LOC128462377: variants seen among roughly 807,000 people sequenced by gnomAD.
chr16:89,324,247 G>C, the LOC128462377 span: 1 of 1,214,912 alleles, frequency 8.2e-7, no homozygotes, highest in Non-Finnish European at 1.0e-6. Context: ...CACATGCTTG[G>C]TCACTGGGCT....
chr16:89,356,243 T>G, the LOC128462377 span, among the ~76,000 whole-genome samples: 1 of 152,058 alleles, frequency 6.6e-6, no homozygotes, highest in African/African-American at 2.4e-5. Flanking sequence ...AAAAACTGAT[T>G]ACAGACTTTC....
chr16:89,336,160 C>G, the LOC128462377 span, among the ~76,000 whole-genome samples: 1 of 152,246 alleles, frequency 6.6e-6, no homozygotes, highest in South Asian at 2.1e-4. Flanking sequence ...CCTCTGGCCA[C>G]TTGTCCAGGA....
chr16:89,392,073 T>C, the LOC128462377 span, among the ~76,000 whole-genome samples: 1 of 152,138 alleles, frequency 6.6e-6, no homozygotes, highest in Non-Finnish European at 1.5e-5. Context: ...TCTAAGTTGC[T>C]AGCCAATCGG....
chr16:89,413,777 G>C, the LOC128462377 span, among the ~76,000 whole-genome samples: 1 of 152,184 alleles, frequency 6.6e-6, no homozygotes, highest in Non-Finnish European at 1.5e-5. Flanking sequence ...AAGCTCCCCA[G>C]GGGTGAGGGT....
chr16:89,410,128 C>T, the LOC128462377 span, among the ~76,000 whole-genome samples: 989 of 152,258 alleles, frequency 6.5e-3, 17 homozygotes, highest in African/African-American at 0.023. Context: ...CGTGAGCCAC[C>T]GCGTCCAGCC....
At chr16:89,399,058 T>G in the LOC128462377 span, among the ~76,000 whole-genome samples, 2 of 152,192 alleles carry the variant, frequency 1.3e-5, no homozygotes, top group African/African-American at 2.4e-5. Flanking sequence ...GCATTTTCAG[T>G]GTTGCCTCAA....
At chr16:89,342,360 A>G in the LOC128462377 span, among the ~76,000 whole-genome samples, 1 of 152,242 alleles carries the variant, frequency 6.6e-6, no homozygotes, top group Admixed American at 6.5e-5. Context: ...GAGAGTCGGA[A>G]AACGTTGAAC....
chr16:89,355,563 C>T, the LOC128462377 span, among the ~76,000 whole-genome samples: 63 of 152,266 alleles, frequency 4.1e-4, 2 homozygotes, highest in African/African-American at 2.4e-4. Context: ...CCAGCAGGGA[C>T]GGCCCCAGAC....
At chr16:89,326,386 C>CA in the LOC128462377 span, among the ~76,000 whole-genome samples, 1 of 151,894 alleles carries the variant, frequency 6.6e-6, no homozygotes, top group Non-Finnish European at 1.5e-5. Context: ...CCGCCCCCCC[C>CA]ACCCCGCTGC....
the LOC128462377 span, among the ~76,000 whole-genome samples, chr16:89,391,439 C>T: frequency 6.6e-6 from 1 of 152,090 alleles, no homozygotes; most frequent in African/African-American, 2.4e-5. Flanking sequence ...TTGTGGGACA[C>T]CCAGCTGGTG....
chr16:89,366,245 T>C, the LOC128462377 span, among the ~76,000 whole-genome samples: 1 of 152,190 alleles, frequency 6.6e-6, no homozygotes, highest in Middle Eastern at 3.4e-3. Context: ...TAGATGCTCA[T>C]GTGGATTCCA....
At chr16:89,350,496 CCA>C in the LOC128462377 span, among the ~76,000 whole-genome samples, 1 of 152,198 alleles carries the variant, frequency 6.6e-6, no homozygotes, top group African/African-American at 2.4e-5. Flanking sequence ...CTGACATACA[CCA>C]CAGAACCCAG....
At chr16:89,403,460 G>A in the LOC128462377 span, among the ~76,000 whole-genome samples, 2 of 152,066 alleles carry the variant, frequency 1.3e-5, no homozygotes, top group Non-Finnish European at 2.9e-5. Context: ...CAGTAAGCGA[G>A]GCCCCGCGCT....
chr16:89,354,829 G>T, the LOC128462377 span, among the ~76,000 whole-genome samples: 5 of 151,942 alleles, frequency 3.3e-5, no homozygotes, highest in Non-Finnish European at 5.9e-5. Context: ...GGAGGTTGCA[G>T]TGAGCCGAGA....
the LOC128462377 span, among the ~76,000 whole-genome samples, chr16:89,371,587 G>A: frequency 5.9e-5 from 9 of 152,232 alleles, 1 homozygote; most frequent in African/African-American, 1.7e-4. Context: ...GGCAGGCGCC[G>A]CTCCCCACAT....
At chr16:89,337,884 C>T in the LOC128462377 span, among the ~76,000 whole-genome samples, 1 of 152,224 alleles carries the variant, frequency 6.6e-6, no homozygotes, top group Admixed American at 6.5e-5. Flanking sequence ...CTTCAGTCTA[C>T]TGTGTGTGGA....
the LOC128462377 span, among the ~76,000 whole-genome samples, chr16:89,368,512 G>A: frequency 6.2e-5 from 9 of 146,092 alleles, no homozygotes; most frequent in South Asian, 9.1e-4. Flanking sequence ...GAGCCACCGC[G>A]CCCAGCCCAG....
chr16:89,356,447 G>C, the LOC128462377 span, among the ~76,000 whole-genome samples: 4 of 152,052 alleles, frequency 2.6e-5, no homozygotes, highest in Admixed American at 6.5e-5. Context: ...CTTTCAAGCA[G>C]ACACTGCTTG....
chr16:89,399,403 G>A, the LOC128462377 span, among the ~76,000 whole-genome samples: 75 of 152,204 alleles, frequency 4.9e-4, 1 homozygote, highest in Admixed American at 9.2e-4. Context: ...AAAGCAGCCC[G>A]TCTCCAAGGA....
Sources: allele counts gnomAD v4.1 joint callset (sites outside exome capture counted in the v4.1 genomes callset), GRCh38; gene constraint gnomAD v4.1.1; transcripts MANE v1.5.